The following DCC variants were observed in gnomAD, a reference collection of about 807,000 sequenced individuals.
DCC encodes DCC netrin 1 receptor.
DCC carries 58 observed loss-of-function variants against 172.5 expected under a neutral mutation model. The observed-to-expected ratio is 0.34, with a 90% CI of 0.27 to 0.42. DCC has a LOEUF of 0.42. DCC is among the 10% of genes least tolerant of loss of function. The probability of loss-of-function intolerance (pLI) is 1.00; values close to 1 mark genes in which losing one functional copy is unlikely to be tolerated. For missense variants in DCC, 1,740 were observed against 1,791.0 expected (o/e 0.97, Z 0.51); for synonymous variants, 709 against 644.5 (o/e 1.10, Z -1.52).
At chr18:52,814,520 A>G (rs2038257639) in intron 2 of DCC, among the ~76,000 whole-genome samples, 1 of 152,212 alleles carries the variant, frequency 6.6e-6, no homozygotes, top group Non-Finnish European at 1.5e-5. Context: ...CTGATGATCT[A>G]TGAATAGCAC....
At chr18:52,356,337 CT>C (rs576645218) in intron 1 of DCC, among the ~76,000 whole-genome samples, 2 of 151,116 alleles carry the variant, frequency 1.3e-5, no homozygotes, top group African/African-American at 2.4e-5. Context: ...ATGTTTTCAT[CT>C]TTTTTTTTCA....
At position 53,507,393 on chromosome 18, in the gene DCC, A is replaced by G. The variant is rs529880063; in HGVS notation, c.4111+7883A>G. Among the ~76,000 whole-genome samples, 4 of 152,356 alleles carry G rather than the reference A, an allele frequency of 2.6e-5. No homozygotes were observed. The East Asian group carries it at 7.7e-4, about 29-fold the overall frequency. On this transcript the variant is annotated intron_variant, in intron 27 of 28. Transcript: ENST00000442544. ...ACCCATTTCTAAAGACATGACCTGT[A>G]GTACCTAAAAGACTGTGTGAAAAAC...
intron 1 of DCC, among the ~76,000 whole-genome samples, chr18:52,362,960 G>A (rs1434607839): frequency 6.6e-6 from 1 of 151,960 alleles, no homozygotes; most frequent in African/African-American, 2.4e-5. Context: ...GTGCAGTGGC[G>A]GGATCTCGGC....
intron 7 of DCC, among the ~76,000 whole-genome samples, chr18:53,089,835 TA>T (rs568263757): frequency 1.3e-5 from 2 of 152,196 alleles, no homozygotes; most frequent in Non-Finnish European, 2.9e-5. Flanking sequence ...GTTTTTAGTT[TA>T]AAATCATTTT....
At chr18:53,358,530 C>CTTTTTTTTTTTTTTTTTTT (rs35093625) in intron 15 of DCC, among the ~76,000 whole-genome samples, 2 of 95,920 alleles carry the variant, frequency 2.1e-5, no homozygotes, top group South Asian at 3.8e-4. Context: ...TTCTCTCTCT[C>CTTTTTTTTTTTTTTTTTTT]TTTTTTTTTT....
At chr18:52,696,505 T>C (rs1367880395) in intron 1 of DCC, among the ~76,000 whole-genome samples, 5 of 152,162 alleles carry the variant, frequency 3.3e-5, no homozygotes, top group Non-Finnish European at 7.4e-5. Context: ...TGTTCTGAAG[T>C]TGTTCACATG....
chr18:53,136,254 C>G (rs2043741051), intron 7 of DCC, among the ~76,000 whole-genome samples: 1 of 151,714 alleles, frequency 6.6e-6, no homozygotes, highest in Non-Finnish European at 1.5e-5. Flanking sequence ...TATATACACA[C>G]ACATACATAC....
chr18:53,190,143 C>G (rs556658068), intron 9 of DCC, among the ~76,000 whole-genome samples: 1 of 152,254 alleles, frequency 6.6e-6, no homozygotes, highest in African/African-American at 2.4e-5. Flanking sequence ...TCAGGCAGGT[C>G]TTGAACTCCC....
At chr18:53,225,455 G>T (rs1292094022) in intron 12 of DCC, among the ~76,000 whole-genome samples, 1 of 152,174 alleles carries the variant, frequency 6.6e-6, no homozygotes, top group Non-Finnish European at 1.5e-5. Flanking sequence ...CTTTGAGGAG[G>T]CAAGAACACA....
At chr18:53,076,821 A>T (rs1348145784) in intron 7 of DCC, among the ~76,000 whole-genome samples, 2 of 152,190 alleles carry the variant, frequency 1.3e-5, no homozygotes, top group Non-Finnish European at 2.9e-5. Flanking sequence ...TTGGGAGCTC[A>T]GCATGTGTCT....
chr18:52,480,319 C>A (rs965438435), intron 1 of DCC, among the ~76,000 whole-genome samples: 4 of 152,102 alleles, frequency 2.6e-5, no homozygotes, highest in Non-Finnish European at 5.9e-5. Context: ...AATGAGGATT[C>A]TTTTCTTGTT....
At chr18:52,590,344 T>C (rs1021641817) in intron 1 of DCC, among the ~76,000 whole-genome samples, 3 of 152,334 alleles carry the variant, frequency 2.0e-5, no homozygotes, top group Non-Finnish European at 2.9e-5. Context: ...CTTTTTAAAA[T>C]TAGCAAATTA....
chr18:52,408,875 C>T (rs750506805), intron 1 of DCC, among the ~76,000 whole-genome samples: 22 of 152,022 alleles, frequency 1.4e-4, no homozygotes, highest in Non-Finnish European at 2.9e-4. Context: ...AAAGGGCAGA[C>T]AAAATGATTT....
At chr18:52,419,534 G>A (rs1987173274) in intron 1 of DCC, 1 of 152,122 alleles carries the variant, frequency 6.6e-6, no homozygotes, top group South Asian at 2.1e-4. Context: ...ATCTTAATGT[G>A]CACCTGGTGA....
At chr18:52,964,454 T>C (rs2040895800) in intron 5 of DCC, among the ~76,000 whole-genome samples, 1 of 152,134 alleles carries the variant, frequency 6.6e-6, no homozygotes, top group Non-Finnish European at 1.5e-5. Flanking sequence ...TTTGTGATTG[T>C]GGCTTTTTTA....
chr18:52,758,464 A>T (rs1274878958), intron 2 of DCC, among the ~76,000 whole-genome samples: 1 of 152,202 alleles, frequency 6.6e-6, no homozygotes, highest in African/African-American at 2.4e-5. Context: ...GCTTTTAAAT[A>T]ACACCTGCAT....
intron 2 of DCC, among the ~76,000 whole-genome samples, chr18:52,766,559 T>A (rs559689556): frequency 1.7e-4 from 26 of 151,672 alleles, no homozygotes; most frequent in Admixed American, 5.2e-4. Flanking sequence ...AAGAGTACAG[T>A]GTGGGGGAAG....
chr18:52,853,258 G>A (rs2039004636), intron 2 of DCC, among the ~76,000 whole-genome samples: 1 of 152,106 alleles, frequency 6.6e-6, no homozygotes, highest in Non-Finnish European at 1.5e-5. Flanking sequence ...ACAGAGCTGG[G>A]CACAGGATAA....
chr18:52,595,831 A>G (rs1375273758), intron 1 of DCC, among the ~76,000 whole-genome samples: 1 of 152,312 alleles, frequency 6.6e-6, no homozygotes, highest in African/African-American at 2.4e-5. Context: ...GTAAATCTGC[A>G]AGCAAGAGCA....
Sources: gnomAD v4.1 joint callset for allele counts (sites outside exome capture counted in the v4.1 genomes callset) on GRCh38, gnomAD v4.1.1 for gene constraint, MANE v1.5 for transcripts, NCBI Gene and HGNC (gene_info 2026-07-23, HGNC 2026-07-21) for gene names.